Variants in RALGPS1 observed in about 807,000 individuals in gnomAD.
RALGPS1 encodes the protein Ral GEF with PH domain and SH3 binding motif 1.
In RALGPS1, 19 loss-of-function variants were observed where a neutral mutation model predicts 78.8. The observed-to-expected ratio is 0.24, with a 90% confidence interval of 0.17 to 0.35. RALGPS1 has a LOEUF of 0.35. RALGPS1 is among the 10% of genes least tolerant of loss of function. RALGPS1 has a pLI of 1.00. For missense variants in RALGPS1, 454 were observed against 688.3 expected (o/e 0.66, Z 3.81); for synonymous variants, 228 against 256.3 (o/e 0.89, Z 1.06).
At chr9:127,067,042 C>G (rs2049775868) in intron 7 of RALGPS1, among the ~76,000 whole-genome samples, 1 of 152,086 alleles carries the variant, frequency 6.6e-6, no homozygotes, top group Admixed American at 6.5e-5. Flanking sequence ...ATCAAGTTCC[C>G]CAAAGATATT....
intron 7 of RALGPS1, among the ~76,000 whole-genome samples, chr9:127,065,819 T>C (rs2049638859): frequency 6.6e-6 from 1 of 152,346 alleles, no homozygotes; most frequent in South Asian, 2.1e-4. Context: ...CTGTTTCCCA[T>C]GTCTTACTAA....
intron 8 of RALGPS1, among the ~76,000 whole-genome samples, chr9:127,138,708 T>G (rs539613162): frequency 6.6e-6 from 1 of 152,248 alleles, no homozygotes; most frequent in East Asian, 1.9e-4. Flanking sequence ...GGTAGTTGTG[T>G]GACCTCAGGT....
intron 4 of RALGPS1, among the ~76,000 whole-genome samples, chr9:127,023,529 GTCT>G (rs893507493): frequency 3.3e-5 from 5 of 151,492 alleles, no homozygotes; most frequent in Admixed American, 2.0e-4. Flanking sequence ...ACTGCAGCTG[GTCT>G]TCTTCCAGGG....
intron 1 of RALGPS1, among the ~76,000 whole-genome samples, chr9:126,922,090 G>A (rs2034824968): frequency 6.6e-6 from 1 of 152,176 alleles, no homozygotes; most frequent in Non-Finnish European, 1.5e-5. Flanking sequence ...TACTGGTGAG[G>A]GAGAGGACGG....
chr9:127,081,666 G>C (rs2051185153), intron 8 of RALGPS1, among the ~76,000 whole-genome samples: 2 of 152,360 alleles, frequency 1.3e-5, no homozygotes, highest in African/African-American at 4.8e-5. Context: ...GCTCTGTTGA[G>C]GCTCAGGGCA....
chr9:127,016,826 A>C (rs865816593), intron 4 of RALGPS1: 1 of 152,202 alleles, frequency 6.6e-6, no homozygotes, highest in Admixed American at 6.5e-5. Context: ...TCCAGCCCTT[A>C]TTGATGGGGC....
In RALGPS1 at chr9:127,115,436, C is replaced by T. The variant is rs147127350; in HGVS notation, c.610+46080C>T. Among the ~76,000 whole-genome samples, 7 of 152,308 alleles carry T rather than the reference C, an allele frequency of 4.6e-5. No homozygotes were observed. In the East Asian group the frequency reaches 9.6e-4, roughly 21 times the overall value. ...AGTTATTAATAGCACCCCCTTTTCA[C>T]TCTCAATATTGTCCTGACTGAGCAA... On this transcript the variant is annotated intron_variant, in intron 8 of 18. Transcript: ENST00000259351.
At chr9:127,101,682 A>G (rs974097387) in intron 8 of RALGPS1, among the ~76,000 whole-genome samples, 3 of 152,316 alleles carry the variant, frequency 2.0e-5, no homozygotes, top group East Asian at 1.9e-4. Flanking sequence ...GAAAGCCTGG[A>G]CAGTTTGTAG....
intron 5 of RALGPS1, among the ~76,000 whole-genome samples, chr9:127,044,103 C>T (rs960054831): frequency 6.6e-6 from 1 of 152,150 alleles, no homozygotes; most frequent in African/African-American, 2.4e-5. Flanking sequence ...CAGCTTTATT[C>T]ATAGTTGTTG....
intron 4 of RALGPS1, among the ~76,000 whole-genome samples, chr9:127,014,938 A>G (rs1224310953): frequency 6.6e-6 from 1 of 152,226 alleles, no homozygotes; most frequent in Non-Finnish European, 1.5e-5. Flanking sequence ...TGTGAGCCAC[A>G]GTCTTCTCAT....
intron 1 of RALGPS1, among the ~76,000 whole-genome samples, chr9:126,958,142 A>AAAAATATATATATATAT (rs113413659): frequency 3.9e-5 from 3 of 77,080 alleles, no homozygotes; most frequent in African/African-American, 8.1e-5. Context: ...AAAAAAAAAA[A>AAAAATATATATATATAT]ATATATATAT....
At chr9:127,151,510 C>T (rs1300065508) in intron 8 of RALGPS1, among the ~76,000 whole-genome samples, 1 of 152,218 alleles carries the variant, frequency 6.6e-6, no homozygotes, top group African/African-American at 2.4e-5. Context: ...CAGCAGCTAC[C>T]ATACAGCATC....
chr9:127,178,616 A>C, intron 11 of RALGPS1: 13 of 439,724 alleles, frequency 3.0e-5, no homozygotes, highest in Non-Finnish European at 3.6e-5. Flanking sequence ...CCCACCCCCA[A>C]TCAGGTCAGG....
At chr9:127,094,883 C>T (rs1405694806) in intron 8 of RALGPS1, among the ~76,000 whole-genome samples, 4 of 152,136 alleles carry the variant, frequency 2.6e-5, no homozygotes, top group African/African-American at 4.8e-5. Flanking sequence ...GGTCTTTTAG[C>T]CCTCCCCACC....
chr9:127,047,893 A>C (rs2047956405), intron 5 of RALGPS1, among the ~76,000 whole-genome samples: 1 of 148,484 alleles, frequency 6.7e-6, no homozygotes, highest in Non-Finnish European at 1.5e-5. Context: ...TAGAAAAGAA[A>C]ATAAAATAAA....
At chr9:126,959,815 A>G (rs2038707749) in intron 1 of RALGPS1, among the ~76,000 whole-genome samples, 1 of 152,216 alleles carries the variant, frequency 6.6e-6, no homozygotes, top group Non-Finnish European at 1.5e-5. Flanking sequence ...CACTAAGGAT[A>G]AAGACCTTTT....
chr9:127,090,963 T>C (rs1473912562), intron 8 of RALGPS1, among the ~76,000 whole-genome samples: 2 of 152,234 alleles, frequency 1.3e-5, no homozygotes, highest in African/African-American at 4.8e-5. Context: ...AAAGACTTCT[T>C]AGTAAAGACC....
chr9:127,079,378 G>A (rs1564537018), intron 8 of RALGPS1, among the ~76,000 whole-genome samples: 1 of 152,232 alleles, frequency 6.6e-6, no homozygotes, highest in African/African-American at 2.4e-5. Flanking sequence ...GATGTTTCAT[G>A]TAGTAGACAG....
rs143264434 is a variant in RALGPS1 at position 127,147,185 on chromosome 9, A to C, written c.611-18884A>C. On this transcript the variant is annotated intron_variant, in intron 8 of 18. Coordinates refer to ENST00000259351, the MANE Select transcript of RALGPS1 (RefSeq NM_014636.3). ...GCTGCTTGTATGTCTTCTTTTGAGA[A>C]GTGTCTGTTCATGTCTTTTGCCCAT... 3.8e-3 allele frequency among the ~76,000 whole-genome samples: 580 copies of C among 152,238 alleles called. 6 individuals are homozygous for C. The highest frequency in any genetic ancestry group is 0.013 in the African/African-American group (550 of 41,548).
Sources: gnomAD v4.1 joint callset for allele counts (sites outside exome capture counted in the v4.1 genomes callset) on GRCh38, gnomAD v4.1.1 for gene constraint, MANE v1.5 for transcripts, NCBI Gene and HGNC (gene_info 2026-07-23, HGNC 2026-07-21) for gene names.